The following POLR1D variants were observed in gnomAD, a reference collection of about 807,000 sequenced individuals.
POLR1D encodes the protein RNA polymerase I and III subunit D, also known as DNA-directed RNA polymerases I and III subunit RPAC2.
In POLR1D, 8 loss-of-function variants were observed where a neutral mutation model predicts 10.8. The observed-to-expected ratio is 0.74, with a 90% CI of 0.43 to 1.33. The LOEUF (loss-of-function observed/expected upper bound fraction) is 1.33. Among genes scored for constraint, POLR1D ranks in the 40% most tolerant of loss-of-function variants. The pLI, the probability that POLR1D is intolerant of heterozygous loss-of-function variation, is 0.01. For missense variants in POLR1D, 152 were observed against 161.7 expected (o/e 0.94, Z 0.32); for synonymous variants, 54 against 57.2 (o/e 0.94, Z 0.25).
In POLR1D at chr13:27,636,624, G is replaced by T. The variant is rs143098756; in HGVS notation, c.27-11755G>T. ...CTAATATTTCAAATGAGATGTGAAA[G>T]TATGGTCCCAAGCATTTGTACTGAA... On this transcript the variant is annotated intron_variant, in intron 1 of 2. Transcript: ENST00000399697. Among the ~76,000 whole-genome samples, 52 of 152,322 alleles carry T rather than the reference G, an allele frequency of 3.4e-4. No individual in the cohort carries two copies. In the East Asian group the frequency reaches 9.8e-3, roughly 29 times the overall value.
At chr13:27,651,950 G>A (rs1429916133) in intron 2 of POLR1D, among the ~76,000 whole-genome samples, 2 of 152,184 alleles carry the variant, frequency 1.3e-5, no homozygotes, top group East Asian at 3.9e-4. Flanking sequence ...AGTTAAATCT[G>A]CTCTTCTTTC....
At chr13:27,654,323 A>G (rs1293633785) in intron 2 of POLR1D, among the ~76,000 whole-genome samples, 1 of 152,202 alleles carries the variant, frequency 6.6e-6, no homozygotes, top group South Asian at 2.1e-4. Flanking sequence ...ATCATTGGTC[A>G]TCTGGAAAAT....
intron 2 of POLR1D, among the ~76,000 whole-genome samples, chr13:27,657,462 G>T (rs1956318917): frequency 6.6e-6 from 1 of 152,096 alleles, no homozygotes; most frequent in Admixed American, 6.6e-5. Context: ...GGAGGCGGAG[G>T]TTGCAGTGAG....
At chr13:27,629,685 C>T (rs1956054324) in intron 1 of POLR1D, among the ~76,000 whole-genome samples, 1 of 151,688 alleles carries the variant, frequency 6.6e-6, no homozygotes, top group African/African-American at 2.4e-5. Flanking sequence ...AGAGAAAAGT[C>T]GCAGACAAAT....
intron 1 of POLR1D, among the ~76,000 whole-genome samples, chr13:27,647,749 T>G (rs908566740): frequency 1.3e-5 from 2 of 152,200 alleles, no homozygotes; most frequent in African/African-American, 4.8e-5. Flanking sequence ...GTTTTCTGTT[T>G]TTTCTTTAAT....
At chr13:27,640,618 T>C (rs967899182) in intron 1 of POLR1D, among the ~76,000 whole-genome samples, 4 of 152,228 alleles carry the variant, frequency 2.6e-5, no homozygotes, top group South Asian at 2.1e-4. Flanking sequence ...ACCTGGAAAC[T>C]GAGTAACATT....
At chr13:27,654,534 T>C (rs1044580588) in intron 2 of POLR1D, among the ~76,000 whole-genome samples, 10 of 152,212 alleles carry the variant, frequency 6.6e-5, no homozygotes, top group Non-Finnish European at 8.8e-5. Flanking sequence ...CAATGAATAC[T>C]GGGAGTTGTT....
chr13:27,639,069 T>C (rs1956153321), intron 1 of POLR1D, among the ~76,000 whole-genome samples: 1 of 152,188 alleles, frequency 6.6e-6, no homozygotes, highest in African/African-American at 2.4e-5. Context: ...TCCTATCCTT[T>C]ACTAAATTCA....
chr13:27,641,747 C>G (rs1340314292), intron 1 of POLR1D, among the ~76,000 whole-genome samples: 2 of 152,196 alleles, frequency 1.3e-5, no homozygotes, highest in East Asian at 3.9e-4. Flanking sequence ...ACAGGGAGAT[C>G]GGGAAAGGCT....
intron 1 of POLR1D, among the ~76,000 whole-genome samples, chr13:27,632,077 T>C (rs554770107): frequency 6.6e-6 from 1 of 152,314 alleles, no homozygotes; most frequent in Non-Finnish European, 1.5e-5. Flanking sequence ...ATTTTTGTCT[T>C]CTCTGTGTCC....
intron 2 of POLR1D, among the ~76,000 whole-genome samples, chr13:27,662,289 C>G (rs1390348596): frequency 6.6e-6 from 1 of 151,968 alleles, no homozygotes; most frequent in African/African-American, 2.4e-5. Context: ...ACCTTTGTAT[C>G]CAAATAAGTC....
At chr13:27,641,108 C>G (rs1956169412) in intron 1 of POLR1D, among the ~76,000 whole-genome samples, 1 of 152,094 alleles carries the variant, frequency 6.6e-6, no homozygotes, top group Admixed American at 6.6e-5. Context: ...TCCACAGATA[C>G]AGAGGGCCGA....
intron 1 of POLR1D, among the ~76,000 whole-genome samples, chr13:27,637,213 T>C (rs1956132737): frequency 6.6e-6 from 1 of 152,190 alleles, no homozygotes; most frequent in Non-Finnish European, 1.5e-5. Context: ...AAGGTTGGAT[T>C]AATCGTAATA....
At chr13:27,664,204 A>C (rs1006120442) in intron 2 of POLR1D, among the ~76,000 whole-genome samples, 1 of 152,160 alleles carries the variant, frequency 6.6e-6, no homozygotes, top group South Asian at 2.1e-4. Context: ...AGGAGGTAGA[A>C]ATGTCTTTAC....
chr13:27,631,561 A>G (rs910659893), intron 1 of POLR1D, among the ~76,000 whole-genome samples: 5 of 152,208 alleles, frequency 3.3e-5, no homozygotes, highest in Admixed American at 1.3e-4. Context: ...GCACACCCAC[A>G]TACAAACCTC....
chr13:27,653,657 T>G (rs920620935), intron 2 of POLR1D, among the ~76,000 whole-genome samples: 1 of 152,200 alleles, frequency 6.6e-6, no homozygotes, highest in South Asian at 2.1e-4. Flanking sequence ...TATCTATCAA[T>G]ACCAATGTTT....
intron 1 of POLR1D, among the ~76,000 whole-genome samples, chr13:27,630,485 CTT>C (rs1045378665): frequency 2.0e-5 from 3 of 152,060 alleles, no homozygotes; most frequent in Non-Finnish European, 4.4e-5. Context: ...GTGGGAGAGA[CTT>C]TCTCTTTCTC....
chr13:27,667,290 A>T (rs1369737234), exon 3 of POLR1D: 5 of 152,172 alleles, frequency 3.3e-5, no homozygotes, highest in African/African-American at 1.2e-4. Flanking sequence ...CTAGTTATGT[A>T]TTGGCCTAAA....
intron 1 of POLR1D, among the ~76,000 whole-genome samples, chr13:27,647,237 T>C (rs1329129669): frequency 6.6e-6 from 1 of 152,168 alleles, no homozygotes; most frequent in Non-Finnish European, 1.5e-5. Flanking sequence ...TTGATAAATA[T>C]GTTTTCTGTT....
Sources: gnomAD v4.1 joint callset for allele counts (sites outside exome capture counted in the v4.1 genomes callset) on GRCh38, gnomAD v4.1.1 for gene constraint, MANE v1.5 for transcripts, NCBI Gene and HGNC (gene_info 2026-07-23, HGNC 2026-07-21) for gene names.